UBE4B: variants seen among roughly 807,000 people sequenced by gnomAD.
UBE4B encodes the protein ubiquitin conjugation factor E4 B.
UBE4B carries 27 observed loss-of-function variants against 148.1 expected under a neutral mutation model. The ratio of observed to expected loss-of-function variants is 0.18; its 90% CI spans 0.13 to 0.25. UBE4B has a LOEUF of 0.25. Among genes scored for constraint, UBE4B ranks in the 10% least tolerant of loss-of-function variants. The pLI is 1.00. For synonymous variants in UBE4B, 596 were observed against 619.3 expected, an observed-to-expected ratio of 0.96 and a Z score of 0.56; for missense variants, 1,170 against 1,662.4, an observed-to-expected ratio of 0.70 and a Z score of 5.15.
chr1:10,154,747 C>T (rs72864116), intron 21 of UBE4B, among the ~76,000 whole-genome samples: 5,628 of 151,500 alleles, frequency 0.037, 129 homozygotes, highest in Middle Eastern at 0.11. Flanking sequence ...GAGTCTAAGG[C>T]AGATGAATCA....
chr1:10,148,697 T>C (rs1436326334), intron 19 of UBE4B, among the ~76,000 whole-genome samples: 2 of 149,320 alleles, frequency 1.3e-5, no homozygotes, highest in Admixed American at 1.3e-4. Flanking sequence ...CCCAGCACTT[T>C]GGGAGGCCAA....
At chr1:10,076,741 C>CTTTTT (rs61563451) in intron 2 of UBE4B, among the ~76,000 whole-genome samples, 12 of 105,856 alleles carry the variant, frequency 1.1e-4, no homozygotes, top group Non-Finnish European at 1.9e-4. Flanking sequence ...CAGTCCCAGC[C>CTTTTT]TTTTTTTTTT....
At chr1:10,098,839 G>A (rs1371225113) in intron 3 of UBE4B, among the ~76,000 whole-genome samples, 1 of 152,162 alleles carries the variant, frequency 6.6e-6, no homozygotes, top group Non-Finnish European at 1.5e-5. Flanking sequence ...TGTAAAATCA[G>A]CAATAAGAAC....
At position 10,102,968 on chromosome 1, in the gene UBE4B, A is replaced by G. The variant is rs1453440376; in HGVS notation, c.456A>G (p.Glu152=). 3.1e-6 allele frequency: 5 copies of G among 1,611,998 alleles called. No homozygotes were observed. Among genetic ancestry groups the G allele is most frequent in the East Asian group, 2.2e-5 (1 of 44,842 alleles). ...ACCAGGAGCCTTCCTCGGGCCCTGA[A>G]GTGTCTGAAGAGCAGGCCTTACAGC... is the stretch of plus-strand genomic sequence containing the variant. ...LSDKEPSSGP[E]VSEEQALQLV... The change falls in exon 5 of 28, where the codon GAA becomes GAG. Residue 152 remains glutamate, a synonymous_variant. Coordinates refer to ENST00000343090, the MANE Select transcript of UBE4B (RefSeq NM_001105562.3).
intron 1 of UBE4B, among the ~76,000 whole-genome samples, chr1:10,068,919 C>CT (rs1159442573): frequency 2.6e-5 from 4 of 152,192 alleles, no homozygotes; most frequent in Non-Finnish European, 4.4e-5. Flanking sequence ...TCCAGCGGAT[C>CT]TTTAAGATGG....
At chr1:10,102,876 A>T in intron 4 of UBE4B, 72 bp from the exon 5 acceptor site, 2 of 1,451,932 alleles carry the variant, frequency 1.4e-6, no homozygotes, top group Non-Finnish European at 9.4e-7. Context: ...AATCAGAATA[A>T]CGTATTCCTA....
At chr1:10,148,209 G>A (rs1171877266) in intron 19 of UBE4B, among the ~76,000 whole-genome samples, 1 of 146,616 alleles carries the variant, frequency 6.8e-6, no homozygotes, top group Non-Finnish European at 1.5e-5. Context: ...CCTGGGTGAC[G>A]AGCAAGACTC....
chr1:10,095,461 G>C lies in UBE4B; in HGVS notation c.212G>C (p.Gly71Ala), dbSNP rs1471186058. ...TPATSPIGAS[G>A]VAHRSQSSEG... ...CATCCTTCCTGTGTTTTCTGTTTAGGAGTAGCCCATCGAAGCCAGAGCAGT... is the reference window on the plus strand; with the variant it reads ...CATCCTTCCTGTGTTTTCTGTTTAGCAGTAGCCCATCGAAGCCAGAGCAGT... Residue 71 changes from glycine to alanine, a missense_variant and splice_region_variant, in exon 3 of 28, where the codon GGA (glycine) becomes GCA (alanine). Gly to Ala is a moderately conservative substitution (Grantham distance 60). Transcript: ENST00000343090. 1 of 1,613,938 alleles carries C rather than the reference G, an allele frequency of 6.2e-7. No individual in the cohort carries two copies. The highest frequency in any genetic ancestry group is 8.5e-7 in the Non-Finnish European group (1 of 1,180,012).
At chr1:10,063,818 G>A (rs1341315985) in intron 1 of UBE4B, among the ~76,000 whole-genome samples, 1 of 151,630 alleles carries the variant, frequency 6.6e-6, no homozygotes, top group Non-Finnish European at 1.5e-5. Context: ...TGAGGCAGGA[G>A]AATCGCTTGA....
In UBE4B at chr1:10,176,469, G is replaced by C. The variant is rs2102043644; in HGVS notation, c.3526-2175G>C. 1.3e-5 allele frequency among the ~76,000 whole-genome samples: 2 copies of C among 152,218 alleles called. 1 individual carries two copies. Among genetic ancestry groups the C allele is most frequent in the South Asian group, 4.1e-4 (2 of 4,820 alleles). On this transcript the variant is annotated intron_variant, in intron 25 of 27. Transcript: ENST00000343090. ...TGACATTCCCACTGGCAATGTATAA[G>C]GTTTAAGTTTCCATTCTTTTTCATT...
At position 10,180,921 on chromosome 1, in the gene UBE4B, G is replaced by C. The variant is rs1237001603; in HGVS notation, c.*965G>C. On this transcript the variant is annotated 3_prime_UTR_variant, in exon 28 of 28. Coordinates refer to ENST00000343090, the MANE Select transcript of UBE4B (RefSeq NM_001105562.3). ...CAGGGTCATTTGTGTGATGTGTTTGGCCTTACCAAAGCAAAAGAGGGTGCA... is the reference window on the plus strand; with the variant it reads ...CAGGGTCATTTGTGTGATGTGTTTGCCCTTACCAAAGCAAAAGAGGGTGCA... 6.6e-6 allele frequency: 1 copy of C among 152,342 alleles called. No individual in the cohort carries two copies. The highest frequency in any genetic ancestry group is 1.5e-5 in the Non-Finnish European group (1 of 68,004). 9.4% of individuals were successfully genotyped at this position (152,342 alleles called of 1,614,324 possible).
At chr1:10,033,783 C>A in intron 1 of UBE4B, 89 bp downstream of exon 1, 1 of 1,336,056 alleles carries the variant, frequency 7.5e-7, no homozygotes. Flanking sequence ...GCTGTCTGGC[C>A]TTTGGGCTTG....
intron 11 of UBE4B, among the ~76,000 whole-genome samples, chr1:10,127,665 G>A (rs912637957): frequency 2.0e-5 from 3 of 152,066 alleles, no homozygotes; most frequent in African/African-American, 7.2e-5. Context: ...TTTTCTTACT[G>A]TATTTATTTC....
At chr1:10,050,977 C>T (rs545909020) in intron 1 of UBE4B, among the ~76,000 whole-genome samples, 1 of 152,252 alleles carries the variant, frequency 6.6e-6, no homozygotes, top group Admixed American at 6.5e-5. Flanking sequence ...AGTTCTAATT[C>T]AGAGTCAGAC....
intron 21 of UBE4B, among the ~76,000 whole-genome samples, chr1:10,152,900 T>C (rs1646000919): frequency 6.6e-6 from 1 of 151,800 alleles, no homozygotes; most frequent in Non-Finnish European, 1.5e-5. Flanking sequence ...CCTGGGGATC[T>C]CAGAACCCAG....
chr1:10,088,686 A>C (rs372786502), intron 2 of UBE4B, among the ~76,000 whole-genome samples: 1 of 142,818 alleles, frequency 7.0e-6, no homozygotes, highest in East Asian at 2.1e-4. Flanking sequence ...TTATTATTTT[A>C]TTATTATTTT....
At chr1:10,174,898 G>A (rs1309756748) in intron 25 of UBE4B, among the ~76,000 whole-genome samples, 3 of 152,032 alleles carry the variant, frequency 2.0e-5, no homozygotes, top group African/African-American at 7.2e-5. Context: ...CTGGGGAAGA[G>A]GTTGTAAAAT....
chr1:10,180,442 T>C lies in UBE4B; in HGVS notation c.*486T>C, dbSNP rs1646489571. On this transcript the variant is annotated 3_prime_UTR_variant, in exon 28 of 28. Coordinates refer to ENST00000343090, the MANE Select transcript of UBE4B (RefSeq NM_001105562.3). The stretch of plus-strand genomic sequence containing the variant: ...TTTTTAAGAGAAGCAAAAACAAAAG[T>C]AAACTCCTTTCCCTGGCCCTCCAAA... The C allele has an allele frequency of 6.5e-6, 1 of 154,540 alleles. No individual in the cohort carries two copies. Among genetic ancestry groups the C allele is most frequent in the African/African-American group, 2.4e-5 (1 of 41,462 alleles). The allele number at this position is 154,540 out of a possible 1,614,324, so 9.6% of individuals were successfully genotyped here.
chr1:10,097,724 C>T (rs374677993), intron 3 of UBE4B, among the ~76,000 whole-genome samples: 13 of 151,888 alleles, frequency 8.6e-5, no homozygotes, highest in Non-Finnish European at 1.8e-4. Flanking sequence ...GCAGGAGAGT[C>T]GCTTGAACTT....
Sources: gnomAD v4.1 joint callset for allele counts (sites outside exome capture counted in the v4.1 genomes callset) on GRCh38, gnomAD v4.1.1 for gene constraint, MANE v1.5 for transcripts, NCBI Gene and HGNC (gene_info 2026-07-23, HGNC 2026-07-21) for gene names.